SYT14: variants seen among roughly 807,000 people sequenced by gnomAD.
SYT14 encodes synaptotagmin-14.
Under a neutral mutation model 74.2 loss-of-function variants are expected in SYT14, and 32 were observed. That is an observed-to-expected ratio of 0.43 (90% CI 0.33 to 0.58). SYT14 has a LOEUF of 0.58. Among genes scored for constraint, SYT14 ranks in the 20% least tolerant of loss-of-function variants. The pLI, the probability that SYT14 is intolerant of heterozygous loss-of-function variation, is 0.05. For synonymous variants in SYT14, 298 were observed against 337.7 expected, an observed-to-expected ratio of 0.88 and a Z score of 1.29; for missense variants, 791 against 981.8, an observed-to-expected ratio of 0.81 and a Z score of 2.60.
intron 5 of SYT14, among the ~76,000 whole-genome samples, chr1:210,024,792 A>G (rs2080375553): frequency 1.3e-5 from 2 of 152,196 alleles, no homozygotes; most frequent in Admixed American, 6.5e-5. Flanking sequence ...AAAGACACAA[A>G]GAAACAGTAA....
At chr1:209,992,516 A>G (rs1421382854) in intron 2 of SYT14, among the ~76,000 whole-genome samples, 2 of 152,174 alleles carry the variant, frequency 1.3e-5, no homozygotes, top group Non-Finnish European at 2.9e-5. Context: ...AGTAATAGAC[A>G]TTGGCAACTC....
intron 5 of SYT14, among the ~76,000 whole-genome samples, chr1:210,059,443 TATATATATAGAG>T (rs1335177853): frequency 9.4e-5 from 9 of 96,194 alleles, no homozygotes; most frequent in Non-Finnish European, 1.6e-4. Flanking sequence ...TATATATATA[TATATATATAGAG>T]AGAGAGAGAG....
chr1:209,957,333 T>G (rs2079009325), intron 2 of SYT14, among the ~76,000 whole-genome samples: 1 of 152,178 alleles, frequency 6.6e-6, no homozygotes, highest in South Asian at 2.1e-4. Flanking sequence ...ACCTTATGAT[T>G]TGGTAAGTTT....
At chr1:209,952,951 A>G (rs2078935374) in intron 2 of SYT14, 195 bp downstream of exon 2, 2 of 1,198,758 alleles carry the variant, frequency 1.7e-6, no homozygotes, top group Admixed American at 4.2e-5. Context: ...TTGTTGCTTT[A>G]TATTTAGTTT....
At chr1:210,144,798 TA>T (rs2082996254) in intron 7 of SYT14, among the ~76,000 whole-genome samples, 1 of 152,124 alleles carries the variant, frequency 6.6e-6, no homozygotes, top group Non-Finnish European at 1.5e-5. Context: ...AGGGAACATA[TA>T]ACATAATTGG....
At chr1:209,979,958 G>A (rs895764516) in intron 2 of SYT14, among the ~76,000 whole-genome samples, 1 of 152,132 alleles carries the variant, frequency 6.6e-6, no homozygotes, top group African/African-American at 2.4e-5. Context: ...ATACTTCTTT[G>A]GGCATATACC....
At chr1:210,029,483 T>C (rs1198252402) in intron 5 of SYT14, among the ~76,000 whole-genome samples, 3 of 152,152 alleles carry the variant, frequency 2.0e-5, no homozygotes, top group Non-Finnish European at 4.4e-5. Flanking sequence ...TCTTTTACAT[T>C]TGGATATCCA....
At chr1:210,156,084 G>A (rs1474618506) in intron 8 of SYT14, among the ~76,000 whole-genome samples, 174 bp downstream of exon 7, 4 of 152,102 alleles carry the variant, frequency 2.6e-5, no homozygotes, top group African/African-American at 4.8e-5. Context: ...AGAAAAATTT[G>A]AAATTCAAAG....
chr1:209,943,108 C>A (rs2078762986), intron 1 of SYT14, among the ~76,000 whole-genome samples: 1 of 152,106 alleles, frequency 6.6e-6, no homozygotes, highest in African/African-American at 2.4e-5. Context: ...GTTAAAAAAC[C>A]CAATAGATTT....
intron 2 of SYT14, among the ~76,000 whole-genome samples, chr1:209,997,566 T>A (rs2079821212): frequency 6.6e-6 from 1 of 152,096 alleles, no homozygotes. Flanking sequence ...GGTTCAATGC[T>A]ATCACTATTA....
At chr1:210,063,966 C>G (rs532571011) in intron 5 of SYT14, among the ~76,000 whole-genome samples, 2 of 152,006 alleles carry the variant, frequency 1.3e-5, no homozygotes, top group East Asian at 3.9e-4. Flanking sequence ...TTATAAATCT[C>G]TTTAGAAGGC....
intron 1 of SYT14, among the ~76,000 whole-genome samples, chr1:209,943,055 C>G (rs1189129860): frequency 1.3e-5 from 2 of 152,116 alleles, no homozygotes; most frequent in African/African-American, 2.4e-5. Flanking sequence ...TCTAAGATTT[C>G]TAAGGCAAAA....
Position 209,938,306 on chromosome 1 carries a change from G to C in SYT14, c.-534+29G>C, listed in dbSNP as rs757598605. The C allele has an allele frequency of 2.6e-6, 4 of 1,547,256 alleles. No homozygotes were observed. In the South Asian group the frequency reaches 4.6e-5, roughly 18 times the overall value. ...AGTGGAGGCTGACAGCGGGGAGCGA[G>C]GACCGGGACCACCCAGCTGGCGGGG... is the stretch of plus-strand genomic sequence containing the variant. On this transcript the variant is annotated intron_variant, in intron 1 of 9. Transcript: ENST00000637265.
In SYT14 at chr1:209,974,542, C is replaced by G. The variant is rs549455073; in HGVS notation, c.-486+21786C>G. Among the ~76,000 whole-genome samples the G allele has an allele frequency of 4.5e-4, 68 of 152,146 alleles. 1 individual carries two copies. In the South Asian group the frequency reaches 0.012, roughly 28 times the overall value. On this transcript the variant is annotated intron_variant, in intron 2 of 9. Coordinates refer to ENST00000637265, the Ensembl canonical transcript of SYT14. ...GTTGTAGATATGTGGCATTATTTCT[C>G]AGGGCTCTGTTCTGTTCCATTGGTC...
chr1:210,105,746 G>A (rs1247945302), intron 7 of SYT14, among the ~76,000 whole-genome samples: 1 of 152,186 alleles, frequency 6.6e-6, no homozygotes, highest in Non-Finnish European at 1.5e-5. Flanking sequence ...CCTGGGGGCA[G>A]ATTTCTCATG....
intron 2 of SYT14, among the ~76,000 whole-genome samples, chr1:209,990,418 T>G (rs1233429658): frequency 6.7e-6 from 1 of 150,212 alleles, no homozygotes. Flanking sequence ...GCCCCCACCT[T>G]CCTTTTTAAA....
intron 2 of SYT14, among the ~76,000 whole-genome samples, chr1:209,987,603 A>G (rs940066537): frequency 1.3e-5 from 2 of 152,248 alleles, no homozygotes; most frequent in African/African-American, 4.8e-5. Context: ...TCTCACCTCC[A>G]ACACTGGTAA....
intron 5 of SYT14, among the ~76,000 whole-genome samples, chr1:210,053,291 T>C (rs1380705446): frequency 6.6e-6 from 1 of 152,194 alleles, no homozygotes; most frequent in African/African-American, 2.4e-5. Context: ...TAAGAGAAGA[T>C]TAACGTCTTT....
At chr1:210,058,625 C>A (rs1249589430) in intron 5 of SYT14, among the ~76,000 whole-genome samples, 3 of 152,096 alleles carry the variant, frequency 2.0e-5, no homozygotes, top group Non-Finnish European at 2.9e-5. Flanking sequence ...GAATATCACC[C>A]AAATGAATTA....
Sources: allele counts gnomAD v4.1 joint callset (sites outside exome capture counted in the v4.1 genomes callset), GRCh38; gene constraint gnomAD v4.1.1; transcripts MANE v1.5; gene names NCBI Gene and HGNC (gene_info 2026-07-23, HGNC 2026-07-21).